Variants in TANGO6 observed in about 807,000 individuals in gnomAD.
The protein encoded by TANGO6 is transport and Golgi organization protein 6 homolog.
In TANGO6, 90 loss-of-function variants were observed where a neutral mutation model predicts 114.2. The ratio of observed to expected loss-of-function variants is 0.79; its 90% CI spans 0.66 to 0.94. The LOEUF is 0.94. Ranked by LOEUF, TANGO6 falls within the 40% of genes least tolerant of loss-of-function variation. The pLI is 0.00. For missense variants in TANGO6, 1,274 were observed against 1,315.3 expected, an observed-to-expected ratio of 0.97 and a Z score of 0.49; for synonymous variants, 477 against 509.8, an observed-to-expected ratio of 0.94 and a Z score of 0.87.
chr16:68,984,844 A>C (rs973396411), intron 15 of TANGO6, among the ~76,000 whole-genome samples: 1 of 152,180 alleles, frequency 6.6e-6, no homozygotes, highest in Admixed American at 6.5e-5. Context: ...TAAAAGTATG[A>C]AAAAGAAAAT....
At chr16:68,908,496 G>A (rs930574362) in intron 10 of TANGO6, among the ~76,000 whole-genome samples, 5 of 144,242 alleles carry the variant, frequency 3.5e-5, no homozygotes, top group East Asian at 2.0e-4. Flanking sequence ...GCAACATGGC[G>A]AAACCCCATC....
intron 17 of TANGO6, among the ~76,000 whole-genome samples, chr16:69,083,041 G>C (rs1368691750): frequency 6.6e-6 from 1 of 151,876 alleles, no homozygotes; most frequent in Non-Finnish European, 1.5e-5. Context: ...TCAGTACGAG[G>C]GCTAGCGCCA....
At chr16:68,879,638 A>G (rs914641065) in intron 6 of TANGO6, among the ~76,000 whole-genome samples, 14 of 142,736 alleles carry the variant, frequency 9.8e-5, no homozygotes, top group African/African-American at 3.7e-4. Context: ...TTTTTTTTAG[A>G]CAGAGTCTCA....
chr16:68,927,852 C>A lies in TANGO6; in HGVS notation c.2412C>A (p.Ala804=). The change falls in exon 13 of 18, where the codon GCC becomes GCA. Residue 804 remains alanine, a synonymous_variant. Coordinates refer to ENST00000261778, the MANE Select transcript of TANGO6 (RefSeq NM_024562.2). ...AACAACAGCAGAGCCATGAGACAGC[C>A]CCCCAGACAGGCCTGCAGTCAAATG... The part of the protein sequence containing the change: ...HLEQQQSHET[A]PQTGLQSNAP... 1 of 1,613,978 alleles carries A rather than the reference C, an allele frequency of 6.2e-7. No homozygotes were observed. Among genetic ancestry groups the A allele is most frequent in the Non-Finnish European group, 8.5e-7 (1 of 1,179,882 alleles).
intron 15 of TANGO6, among the ~76,000 whole-genome samples, chr16:68,975,111 C>T (rs1963750787): frequency 6.6e-6 from 1 of 152,156 alleles, no homozygotes; most frequent in Non-Finnish European, 1.5e-5. Context: ...TGCTGAATGT[C>T]TACTGCATGC....
At chr16:68,853,227 G>C (rs1291245661) in intron 1 of TANGO6, among the ~76,000 whole-genome samples, 1 of 150,274 alleles carries the variant, frequency 6.7e-6, no homozygotes, top group Non-Finnish European at 1.5e-5. Context: ...GCAGTGATCT[G>C]AGATCACACC....
At chr16:68,849,824 T>G (rs1168979615) in intron 1 of TANGO6, among the ~76,000 whole-genome samples, 1 of 148,388 alleles carries the variant, frequency 6.7e-6, no homozygotes, top group African/African-American at 2.6e-5. Context: ...TTTTATAAAT[T>G]TTTTCTAACA....
At chr16:68,926,011 G>A (rs1214453009) in intron 12 of TANGO6, among the ~76,000 whole-genome samples, 2 of 147,854 alleles carry the variant, frequency 1.4e-5, no homozygotes, top group Non-Finnish European at 3.0e-5. Context: ...TTTCTGTTCT[G>A]TCCCATTGAT....
chr16:68,931,016 A>T (rs1031531486), intron 14 of TANGO6, among the ~76,000 whole-genome samples: 14 of 152,138 alleles, frequency 9.2e-5, no homozygotes, highest in African/African-American at 2.2e-4. Context: ...TTATCAAAAA[A>T]TTTTTTGCAG....
At chr16:69,064,233 C>T (rs1016329939) in intron 17 of TANGO6, among the ~76,000 whole-genome samples, 2 of 152,166 alleles carry the variant, frequency 1.3e-5, no homozygotes, top group Non-Finnish European at 2.9e-5. Flanking sequence ...CTTACCAGAG[C>T]CTCTGATGTG....
chr16:68,869,332 G>T (rs573139359), intron 4 of TANGO6, among the ~76,000 whole-genome samples: 12 of 152,168 alleles, frequency 7.9e-5, no homozygotes, highest in Non-Finnish European at 1.3e-4. Context: ...ACAAAAATTA[G>T]CTGGGTGTGG....
intron 15 of TANGO6, among the ~76,000 whole-genome samples, chr16:68,976,029 C>T (rs890442046): frequency 4.6e-5 from 7 of 152,034 alleles, no homozygotes; most frequent in African/African-American, 1.4e-4. Context: ...TGACCTCTTA[C>T]GCTCAAGGTA....
At chr16:68,862,409 C>A (rs1441204503) in intron 2 of TANGO6, among the ~76,000 whole-genome samples, 1 of 152,068 alleles carries the variant, frequency 6.6e-6, no homozygotes, top group Non-Finnish European at 1.5e-5. Flanking sequence ...GTTGGCCAGG[C>A]TGGTCTCGAA....
At chr16:68,873,696 G>A (rs1962313140) in intron 4 of TANGO6, among the ~76,000 whole-genome samples, 2 of 152,170 alleles carry the variant, frequency 1.3e-5, no homozygotes, top group Admixed American at 1.3e-4. Context: ...AATTCCTCAT[G>A]TGGATATGCT....
intron 7 of TANGO6, among the ~76,000 whole-genome samples, chr16:68,899,695 G>A (rs1317665328): frequency 1.3e-5 from 2 of 151,942 alleles, no homozygotes; most frequent in Non-Finnish European, 2.9e-5. Flanking sequence ...GAATTCCTGG[G>A]CTCAAGCGAT....
chr16:68,987,221 A>G (rs1963903641), intron 15 of TANGO6, among the ~76,000 whole-genome samples: 1 of 152,144 alleles, frequency 6.6e-6, no homozygotes, highest in African/African-American at 2.4e-5. Flanking sequence ...TAATAAAAAT[A>G]TATTTTTATA....
At chr16:68,968,892 G>A (rs1392743225) in intron 14 of TANGO6, among the ~76,000 whole-genome samples, 2 of 149,796 alleles carry the variant, frequency 1.3e-5, no homozygotes, top group Non-Finnish European at 3.0e-5. Flanking sequence ...GGATGGTCTC[G>A]ATCTCCTGAC....
At chr16:68,919,886 A>AT (rs1192770196) in intron 12 of TANGO6, among the ~76,000 whole-genome samples, 1 of 149,956 alleles carries the variant, frequency 6.7e-6, no homozygotes, top group African/African-American at 2.5e-5. Context: ...TACTAAAAAT[A>AT]TTTAAAAAAA....
chr16:68,895,661 A>C (rs1452036719), intron 7 of TANGO6, among the ~76,000 whole-genome samples: 1 of 152,228 alleles, frequency 6.6e-6, no homozygotes, highest in Non-Finnish European at 1.5e-5. Flanking sequence ...TGAGTGAATG[A>C]ATGAACAGTT....
Sources: allele counts gnomAD v4.1 joint callset (sites outside exome capture counted in the v4.1 genomes callset), GRCh38; gene constraint gnomAD v4.1.1; transcripts MANE v1.5; gene names NCBI Gene and HGNC (gene_info 2026-07-23, HGNC 2026-07-21).